The following GFRAL variants were observed in gnomAD, a reference collection of about 807,000 sequenced individuals.
GFRAL encodes GDNF family receptor alpha-like.
A neutral mutation model predicts 45.4 loss-of-function variants in GFRAL; 36 were observed. That is an observed-to-expected ratio of 0.79 (90% confidence interval 0.61 to 1.05). The LOEUF (loss-of-function observed/expected upper bound fraction) is 1.05. Ranked by LOEUF, GFRAL falls within the 50% of genes least tolerant of loss-of-function variation. GFRAL has a pLI of 0.00. For missense variants in GFRAL, 507 were observed against 467.5 expected, an observed-to-expected ratio of 1.08 and a Z score of -0.78; for synonymous variants, 166 against 154.1, an observed-to-expected ratio of 1.08 and a Z score of -0.57.
chr6:55,370,786 G>C (rs562755558), intron 6 of GFRAL, among the ~76,000 whole-genome samples: 1 of 152,246 alleles, frequency 6.6e-6, no homozygotes, highest in Non-Finnish European at 1.5e-5. Flanking sequence ...CCCAGATCTG[G>C]GGTTTAATGC....
chr6:55,363,341 A>T (rs1768303378), intron 6 of GFRAL, among the ~76,000 whole-genome samples: 1 of 152,066 alleles, frequency 6.6e-6, no homozygotes, highest in African/African-American at 2.4e-5. Context: ...TAAGGCAATC[A>T]AACTATACTT....
chr6:55,377,526 C>T (rs1481719348), intron 6 of GFRAL, among the ~76,000 whole-genome samples: 2 of 151,994 alleles, frequency 1.3e-5, no homozygotes, highest in African/African-American at 4.8e-5. Flanking sequence ...CCTGCAGATT[C>T]AGAAAAAGAC....
At chr6:55,359,524 A>G (rs973578886) in intron 6 of GFRAL, among the ~76,000 whole-genome samples, 6 of 151,980 alleles carry the variant, frequency 3.9e-5, no homozygotes, top group African/African-American at 7.2e-5. Context: ...TTTGCTCACA[A>G]TTCTGCACAT....
chr6:55,362,844 G>GA (rs1239789426), intron 6 of GFRAL, among the ~76,000 whole-genome samples: 2 of 150,506 alleles, frequency 1.3e-5, no homozygotes, highest in East Asian at 3.9e-4. Context: ...ATAATTAAAA[G>GA]AAAAAGGAGA....
At chr6:55,350,583 C>A (rs1768103011) in intron 4 of GFRAL, among the ~76,000 whole-genome samples, 1 of 152,042 alleles carries the variant, frequency 6.6e-6, no homozygotes, top group Non-Finnish European at 1.5e-5. Flanking sequence ...TGTCTGTGAT[C>A]CCAGCTCATT....
chr6:55,362,989 G>A (rs1284179106), intron 6 of GFRAL, among the ~76,000 whole-genome samples: 1 of 150,772 alleles, frequency 6.6e-6, no homozygotes, highest in Non-Finnish European at 1.5e-5. Flanking sequence ...GGAAGAAGAG[G>A]AAACAGGAAG....
chr6:55,384,788 T>C (rs976215512), intron 6 of GFRAL, among the ~76,000 whole-genome samples: 6 of 151,578 alleles, frequency 4.0e-5, no homozygotes, highest in African/African-American at 9.7e-5. Flanking sequence ...AGTTGGAATT[T>C]GCATCAGAAC....
chr6:55,359,050 A>G lies in GFRAL; in HGVS notation c.864A>G (p.Gln288=). ...TAGATATCCTTGGGACGGTCCTTCA[A>G]GTGCAATGTACCTGTAGGACCATTA... ...AYIDILGTVL[Q]VQCTCRTITQ... is the part of the protein sequence containing the mutation. The change falls in exon 6 of 9, where the codon CAA becomes CAG. Residue 288 remains glutamine, a synonymous_variant. Transcript: ENST00000340465. 4 of 1,612,550 alleles carry G rather than the reference A, an allele frequency of 2.5e-6. No homozygotes were observed. The highest frequency in any genetic ancestry group is 3.4e-6 in the Non-Finnish European group (4 of 1,178,892).
At chr6:55,356,234 A>G (rs554498038) in intron 5 of GFRAL, among the ~76,000 whole-genome samples, 3 of 151,948 alleles carry the variant, frequency 2.0e-5, no homozygotes, top group Non-Finnish European at 2.9e-5. Flanking sequence ...ACTGGCCTCA[A>G]AGAATGAGTT....
chr6:55,387,856 G>A (rs1311079364), intron 6 of GFRAL, among the ~76,000 whole-genome samples: 2 of 152,110 alleles, frequency 1.3e-5, no homozygotes. Context: ...TATAAAATGA[G>A]AACAACGTAA....
chr6:55,394,371 G>A (rs1175413722), intron 6 of GFRAL, among the ~76,000 whole-genome samples: 1 of 152,102 alleles, frequency 6.6e-6, no homozygotes, highest in Non-Finnish European at 1.5e-5. Flanking sequence ...TCTTATTAAA[G>A]GGAAGGGCCA....
intron 6 of GFRAL, among the ~76,000 whole-genome samples, chr6:55,377,256 G>A (rs1025869976): frequency 2.0e-5 from 3 of 151,940 alleles, no homozygotes; most frequent in Non-Finnish European, 4.4e-5. Flanking sequence ...ATTTTAAACT[G>A]TGGCAGCTGC....
chr6:55,358,512 G>A (rs1177219812), intron 5 of GFRAL, among the ~76,000 whole-genome samples: 11 of 151,904 alleles, frequency 7.2e-5, no homozygotes. Context: ...AAATCACTTG[G>A]TGTGACACAG....
chr6:55,357,516 A>G (rs1471542295), intron 5 of GFRAL, among the ~76,000 whole-genome samples: 1 of 151,704 alleles, frequency 6.6e-6, no homozygotes, highest in East Asian at 1.9e-4. Flanking sequence ...GGCATAGAAT[A>G]TCTTTTTCCA....
At chr6:55,332,095 C>T (rs957201857) in intron 2 of GFRAL, among the ~76,000 whole-genome samples, 3 of 152,112 alleles carry the variant, frequency 2.0e-5, no homozygotes, top group Non-Finnish European at 2.9e-5. Flanking sequence ...TTTCTTACCT[C>T]TCTCACCATG....
In GFRAL at chr6:55,402,186, G is replaced by T. The variant is rs187166849; in HGVS notation, c.*333G>T. 1.1e-4 allele frequency: 20 copies of T among 181,858 alleles called. No homozygotes were observed. The East Asian group carries it at 3.3e-3, about 30-fold the overall frequency. The allele number at this position is 181,858 out of a possible 1,614,324, so 11.3% of individuals were successfully genotyped here. On this transcript the variant is annotated 3_prime_UTR_variant, in exon 9 of 9. Transcript: ENST00000340465. ...GTAGAGATGGGGTTTTGCCAAATTG[G>T]CCAGGGTGGTCTCAAACTCCTGACC...
chr6:55,327,475 T>C lies in GFRAL; in HGVS notation c.-80T>C. ...AAACACAGAGGCTGAAGCCTTATTC[T>C]GGACAGTTACTCTTAAGAAAGTTGT... On this transcript the variant is annotated 5_prime_UTR_variant, in exon 1 of 9. Transcript: ENST00000340465. The C allele has an allele frequency of 6.7e-7, 1 of 1,482,338 alleles. No individual in the cohort carries two copies. Among genetic ancestry groups the C allele is most frequent in the East Asian group, 2.3e-5 (1 of 44,166 alleles). 91.8% of individuals were successfully genotyped at this position (1,482,338 alleles called of 1,614,324 possible). A position where few individuals can be genotyped will look rare whatever the true frequency, so the allele number is the denominator to read the frequency against.
chr6:55,394,973 G>C (rs1170584907), intron 6 of GFRAL, among the ~76,000 whole-genome samples: 1 of 151,728 alleles, frequency 6.6e-6, no homozygotes, highest in African/African-American at 2.4e-5. Flanking sequence ...TTTTATCCTT[G>C]TTTTCCCTTC....
chr6:55,347,652 T>C (rs1562051861), intron 3 of GFRAL, among the ~76,000 whole-genome samples: 1 of 152,160 alleles, frequency 6.6e-6, no homozygotes, highest in Non-Finnish European at 1.5e-5. Context: ...GAAAAGTAGA[T>C]ATAAACACAT....
Sources: allele counts gnomAD v4.1 joint callset (sites outside exome capture counted in the v4.1 genomes callset), GRCh38; gene constraint gnomAD v4.1.1; transcripts MANE v1.5; gene names NCBI Gene and HGNC (gene_info 2026-07-23, HGNC 2026-07-21).